HMHB1: variants seen among roughly 807,000 people sequenced by gnomAD.
HMHB1 encodes minor histocompatibility protein HB-1.
Under a neutral mutation model 2.4 loss-of-function variants are expected in HMHB1, and 4 were observed. The observed-to-expected ratio is 1.65, with a 90% CI of 0.81 to 3.77. The LOEUF is 3.77. Among genes scored for constraint, HMHB1 ranks in the 30% most tolerant of loss-of-function variants. The pLI is 0.01. For synonymous variants in HMHB1, 22 were observed against 17.6 expected (o/e 1.25, Z -0.63); for missense variants, 57 against 44.2 (o/e 1.29, Z -0.82).
intron 1 of HMHB1, 136 bp from the exon 2 acceptor site, chr5:143,820,344 A>AAAAAAAAAAAAAAAC (rs1759797686): frequency 6.6e-6 from 2 of 304,008 alleles, no homozygotes; most frequent in South Asian, 1.2e-4. Flanking sequence ...AAAAAAAAAA[A>AAAAAAAAAAAAAAAC]AAAAAACAGA....
In HMHB1 at chr5:143,812,220, G is replaced by A. The variant is rs1759699891; in HGVS notation, c.-48G>A. ...ATCTCAGAAGCCGGGCAGGCCCTGA[G>A]CCTTCTGACCTCACATCCTCTGCCA... On this transcript the variant is annotated 5_prime_UTR_variant, in exon 1 of 2. Coordinates refer to ENST00000289448, the MANE Select transcript of HMHB1 (RefSeq NM_021182.3). 6.5e-7 allele frequency: 1 copy of A among 1,545,362 alleles called. No individual in the cohort carries two copies. The highest frequency in any genetic ancestry group is 2.0e-5 in the Admixed American group (1 of 50,836).
At chr5:143,813,178 C>T (rs1236748154) in intron 1 of HMHB1, among the ~76,000 whole-genome samples, 1 of 152,150 alleles carries the variant, frequency 6.6e-6, no homozygotes, top group Non-Finnish European at 1.5e-5. Context: ...ATGCTCAGAT[C>T]CAGTTGCACA....
At chr5:143,814,848 A>C (rs917669898) in intron 1 of HMHB1, among the ~76,000 whole-genome samples, 6 of 152,214 alleles carry the variant, frequency 3.9e-5, no homozygotes, top group Non-Finnish European at 8.8e-5. Context: ...TATCCTTCAA[A>C]GTAGTGCTTC....
chr5:143,812,824 C>G (rs1378302853), intron 1 of HMHB1, among the ~76,000 whole-genome samples: 1 of 152,156 alleles, frequency 6.6e-6, no homozygotes, highest in East Asian at 1.9e-4. Flanking sequence ...TCTCTTTCAT[C>G]CTCACAGAAG....
In HMHB1 at chr5:143,820,428, ACT is replaced by A. The variant is rs997938096; in HGVS notation, c.38-51_38-50del. ...AGTTTTATTAATCTAAATAGAAAAT[ACT>A]GCTGAGAAGTTGTAAGCTCAAGTCT... On this transcript the variant is annotated intron_variant, in intron 1 of 1. Transcript: ENST00000289448. 2.9e-6 allele frequency: 3 copies of A among 1,021,986 alleles called. No homozygotes were observed. The African/African-American group carries it at 4.8e-5, about 16-fold the overall frequency. The allele number at this position is 1,021,986 out of a possible 1,614,324, so 63.3% of individuals were successfully genotyped here.
intron 1 of HMHB1, 135 bp from the exon 2 acceptor site, chr5:143,820,345 A>C (rs1581012996): frequency 1.7e-5 from 5 of 292,784 alleles, no homozygotes; most frequent in East Asian, 1.4e-4. Context: ...AAAAAAAAAA[A>C]AAAAACAGAA....
intron 1 of HMHB1, among the ~76,000 whole-genome samples, chr5:143,819,539 G>A (rs1327779126): frequency 6.6e-6 from 1 of 151,776 alleles, no homozygotes; most frequent in Non-Finnish European, 1.5e-5. Context: ...GGAGGCTGAG[G>A]CAGGAGAATC....
intron 1 of HMHB1, among the ~76,000 whole-genome samples, chr5:143,813,463 C>G (rs558816714): frequency 4.5e-4 from 69 of 152,296 alleles, no homozygotes; most frequent in African/African-American, 1.6e-3. Context: ...ATTTCTGTAT[C>G]CTTGGCATCT....
At chr5:143,812,397 G>A in intron 1 of HMHB1, 93 bp downstream of exon 1, 1 of 1,197,828 alleles carries the variant, frequency 8.3e-7, no homozygotes, top group Non-Finnish European at 1.2e-6. Flanking sequence ...GGAATGAGAG[G>A]GAAACCACAA....
chr5:143,820,555 CTTATAG>C lies in HMHB1; in HGVS notation c.114_119del (p.Tyr39_Arg40del). Reference sequence around the variant, plus strand: ...TATCTGAGGCACAGCTCTTCCCTGACTTATAGGCTTTGACACTGCTGTTGAGGTTTG... The same window carrying C: ...TATCTGAGGCACAGCTCTTCCCTGACGCTTTGACACTGCTGTTGAGGTTTG... On this transcript the variant is annotated inframe_deletion, in exon 2 of 2. Transcript: ENST00000289448. 1.9e-6 allele frequency: 3 copies of C among 1,611,214 alleles called. No homozygotes were observed.
At chr5:143,816,842 T>C (rs1022199643) in intron 1 of HMHB1, among the ~76,000 whole-genome samples, 2 of 152,230 alleles carry the variant, frequency 1.3e-5, no homozygotes, top group Admixed American at 6.5e-5. Context: ...GTGTTCCCCG[T>C]TCACTGCATC....
intron 1 of HMHB1, among the ~76,000 whole-genome samples, chr5:143,815,447 A>G (rs1047779391): frequency 1.3e-5 from 2 of 152,050 alleles, no homozygotes; most frequent in African/African-American, 4.8e-5. Flanking sequence ...ACCTTTTTTC[A>G]AAGTAATGTA....
intron 1 of HMHB1, among the ~76,000 whole-genome samples, chr5:143,815,634 T>C (rs1175317607): frequency 6.6e-6 from 1 of 151,906 alleles, no homozygotes; most frequent in Non-Finnish European, 1.5e-5. Flanking sequence ...TTCAAGTGAT[T>C]CTCCTGCTTC....
chr5:143,818,732 C>T (rs1428040818), intron 1 of HMHB1, among the ~76,000 whole-genome samples: 2 of 151,856 alleles, frequency 1.3e-5, no homozygotes, highest in Non-Finnish European at 2.9e-5. Context: ...AAGTGTTTAG[C>T]CAGTTGCTTG....
chr5:143,817,416 C>T (rs1759760251), intron 1 of HMHB1, among the ~76,000 whole-genome samples: 1 of 152,140 alleles, frequency 6.6e-6, no homozygotes, highest in African/African-American at 2.4e-5. Flanking sequence ...TTTCATTCTC[C>T]TACACGTGGC....
chr5:143,820,500 T>A lies in HMHB1; in HGVS notation c.58T>A (p.Ser20Thr). Reference sequence around the variant, plus strand: ...TATAGGTTCTCTGCATGTTTGGAAGTCGGAATTGGTTGAAGTTGAAGATGA... The same window carrying A: ...TATAGGTTCTCTGCATGTTTGGAAGACGGAATTGGTTGAAGTTGAAGATGA... Residue 20 changes from serine (S) to threonine (T), a missense_variant, in exon 2 of 2, where the codon TCG (serine) becomes ACG (threonine). Physicochemically the swap from Ser to Thr is moderately conservative, Grantham distance 58. Transcript: ENST00000289448. 1 of 1,612,080 alleles carries A rather than the reference T, an allele frequency of 6.2e-7. No individual in the cohort carries two copies. The highest frequency in any genetic ancestry group is 8.5e-7 in the Non-Finnish European group (1 of 1,178,414).
At chr5:143,812,420 G>A (rs1759702564) in intron 1 of HMHB1, 116 bp downstream of exon 1, 2 of 970,098 alleles carry the variant, frequency 2.1e-6, no homozygotes. Context: ...GGTGAAAACA[G>A]GGATGGCGGA....
At chr5:143,815,238 T>A (rs1170537922) in intron 1 of HMHB1, among the ~76,000 whole-genome samples, 2 of 152,230 alleles carry the variant, frequency 1.3e-5, no homozygotes, top group East Asian at 1.9e-4. Flanking sequence ...CACAATTCAT[T>A]ATCTTACAGT....
intron 1 of HMHB1, among the ~76,000 whole-genome samples, chr5:143,813,126 T>C (rs970617077): frequency 2.0e-5 from 3 of 152,190 alleles, no homozygotes; most frequent in Non-Finnish European, 2.9e-5. Flanking sequence ...GGGAAGCCTG[T>C]GCTCTGTCTG....
Sources: gnomAD v4.1 joint callset for allele counts (sites outside exome capture counted in the v4.1 genomes callset) on GRCh38, gnomAD v4.1.1 for gene constraint, MANE v1.5 for transcripts, NCBI Gene and HGNC (gene_info 2026-07-23, HGNC 2026-07-21) for gene names.